The following HS6ST3 variants were observed in gnomAD, a reference collection of about 807,000 sequenced individuals.
The protein encoded by HS6ST3 is heparan sulfate 6-O-sulfotransferase 3, also known as heparan-sulfate 6-O-sulfotransferase 3.
Under a neutral mutation model 36.7 loss-of-function variants are expected in HS6ST3, and 12 were observed. That is an observed-to-expected ratio of 0.33 (90% CI 0.21 to 0.53). The LOEUF (loss-of-function observed/expected upper bound fraction) is 0.53, where lower values mean the gene tolerates loss of function less well. Among genes scored for constraint, HS6ST3 ranks in the 20% least tolerant of loss-of-function variants. The probability of loss-of-function intolerance (pLI) is 0.95; values close to 1 mark genes in which losing one functional copy is unlikely to be tolerated. For missense variants in HS6ST3, 584 were observed against 640.9 expected (o/e 0.91, Z 0.96); for synonymous variants, 240 against 257.5 (o/e 0.93, Z 0.65).
chr13:96,332,090 C>G (rs935061832), intron 1 of HS6ST3, among the ~76,000 whole-genome samples: 21 of 152,196 alleles, frequency 1.4e-4, no homozygotes, highest in Non-Finnish European at 2.9e-4. Flanking sequence ...CTGGCACTCC[C>G]TAGTGAGATG....
chr13:96,565,480 G>T (rs914336540), intron 1 of HS6ST3, among the ~76,000 whole-genome samples: 1 of 152,088 alleles, frequency 6.6e-6, no homozygotes, highest in African/African-American at 2.4e-5. Flanking sequence ...GCAGTGACTG[G>T]AAATGGTTTA....
intron 1 of HS6ST3, among the ~76,000 whole-genome samples, chr13:96,524,681 C>T (rs542481750): frequency 2.6e-5 from 4 of 152,322 alleles, no homozygotes; most frequent in Middle Eastern, 3.4e-3. Context: ...TGGGACCTGC[C>T]GAGCCAGGCC....
chr13:96,243,919 G>T (rs2054573001), intron 1 of HS6ST3, among the ~76,000 whole-genome samples: 1 of 150,658 alleles, frequency 6.6e-6, no homozygotes, highest in African/African-American at 2.4e-5. Context: ...GTGGAAAGGG[G>T]GGCTGCCTAG....
intron 1 of HS6ST3, among the ~76,000 whole-genome samples, chr13:96,423,369 T>C (rs567625176): frequency 6.6e-6 from 1 of 152,142 alleles, no homozygotes; most frequent in East Asian, 1.9e-4. Context: ...TCTTGTTTTT[T>C]AGTGGAGAAG....
In HS6ST3 at chr13:96,665,265, G is replaced by A. The variant is rs1404309078; in HGVS notation, c.708-167225G>A. ...TCATTTAGTCATTCATGCATTCATTGATGTATAAGATACATTTCAATTGAA... is the reference window on the plus strand; with the variant it reads ...TCATTTAGTCATTCATGCATTCATTAATGTATAAGATACATTTCAATTGAA... On this transcript the variant is annotated intron_variant, in intron 1 of 1. Coordinates refer to ENST00000376705, the MANE Select transcript of HS6ST3 (RefSeq NM_153456.4). Among the ~76,000 whole-genome samples, 3 of 152,150 alleles carry A rather than the reference G, an allele frequency of 2.0e-5. No homozygotes were observed. The East Asian group carries it at 5.8e-4, about 29-fold the overall frequency.
intron 1 of HS6ST3, among the ~76,000 whole-genome samples, chr13:96,447,394 G>T (rs916369979): frequency 6.6e-6 from 1 of 152,112 alleles, no homozygotes; most frequent in Non-Finnish European, 1.5e-5. Flanking sequence ...TGTTATAGGA[G>T]TTACTAAGAA....
Position 96,833,181 on chromosome 13 carries a change from C to T in HS6ST3, c.1399C>T (p.Gln467Ter). The change falls in exon 2 of 2, where the codon CAG (glutamine) becomes TAG (stop). Residue 467 changes from glutamine (Q) to a stop codon, truncating the protein, a stop_gained. Transcript: ENST00000376705. LOFTEE classifies it high-confidence loss of function. ...GACTGTCACCGAGGACTACAACAGC[C>T]AGGTGGTGAGATGGTGACCTCCTGC... ...EGTVTEDYNS[Q>*]VVRW 6.4e-7 allele frequency: 1 copy of T among 1,568,436 alleles called. No individual in the cohort carries two copies. Among genetic ancestry groups the T allele is most frequent in the Non-Finnish European group, 8.6e-7 (1 of 1,164,910 alleles).
chr13:96,723,083 C>T (rs940218248), intron 1 of HS6ST3, among the ~76,000 whole-genome samples: 9 of 151,702 alleles, frequency 5.9e-5, no homozygotes, highest in Non-Finnish European at 1.2e-4. Flanking sequence ...TCATTGTATA[C>T]CCAATGTCTC....
At chr13:96,710,086 ACTG>A (rs1487943755) in intron 1 of HS6ST3, among the ~76,000 whole-genome samples, 1 of 152,084 alleles carries the variant, frequency 6.6e-6, no homozygotes, top group East Asian at 1.9e-4. Context: ...TAGATGAAAA[ACTG>A]CTGCTGCACA....
At chr13:96,536,551 G>A (rs1179252043) in intron 1 of HS6ST3, among the ~76,000 whole-genome samples, 2 of 152,190 alleles carry the variant, frequency 1.3e-5, no homozygotes, top group Non-Finnish European at 2.9e-5. Flanking sequence ...GGGAGCGTTC[G>A]TTTCTTTGTA....
intron 1 of HS6ST3, among the ~76,000 whole-genome samples, chr13:96,814,647 T>G (rs575473383): frequency 6.6e-6 from 1 of 152,124 alleles, no homozygotes; most frequent in Non-Finnish European, 1.5e-5. Context: ...AAGATGGATA[T>G]TGGACATACA....
intron 1 of HS6ST3, among the ~76,000 whole-genome samples, chr13:96,237,946 C>G (rs1165008436): frequency 6.6e-6 from 1 of 152,144 alleles, no homozygotes; most frequent in Non-Finnish European, 1.5e-5. Flanking sequence ...TTTTTAACTC[C>G]TCCTACCCCT....
chr13:96,354,403 G>A (rs1384331481), intron 1 of HS6ST3, among the ~76,000 whole-genome samples: 1 of 152,032 alleles, frequency 6.6e-6, no homozygotes, highest in East Asian at 1.9e-4. Flanking sequence ...GGACTGGGGG[G>A]TCTTGAGTGG....
At chr13:96,106,561 G>GA (rs1180816717) in intron 1 of HS6ST3, among the ~76,000 whole-genome samples, 11 of 151,954 alleles carry the variant, frequency 7.2e-5, no homozygotes, top group Non-Finnish European at 1.2e-4. Context: ...TAACAAAAAT[G>GA]AAAAAACAGA....
intron 1 of HS6ST3, among the ~76,000 whole-genome samples, chr13:96,642,231 A>G (rs943338624): frequency 6.6e-6 from 1 of 151,900 alleles, no homozygotes; most frequent in Admixed American, 6.6e-5. Context: ...ATAATTTATT[A>G]TGAGAAATCA....
chr13:96,229,941 C>T (rs1566295156), intron 1 of HS6ST3, among the ~76,000 whole-genome samples: 3 of 152,214 alleles, frequency 2.0e-5, no homozygotes, highest in South Asian at 2.1e-4. Context: ...TCTCAAAAGA[C>T]AAGTAAGAAG....
rs118129711 is a variant in HS6ST3, at chr13:96,631,133, A to T, written c.708-201357A>T. Among the ~76,000 whole-genome samples, 621 of 152,238 alleles carry T rather than the reference A, an allele frequency of 4.1e-3. 3 individuals are homozygous for T. Among genetic ancestry groups the T allele is most frequent in the Non-Finnish European group, 7.6e-3 (519 of 68,014 alleles). ...TTCAGAACTAAACAGTAGTCAAATG[A>T]GCTGAAAAGGTGCTGGTGATATATC... On this transcript the variant is annotated intron_variant, in intron 1 of 1. Transcript: ENST00000376705.
At chr13:96,518,707 A>T in intron 1 of HS6ST3, among the ~76,000 whole-genome samples, 1 of 152,294 alleles carries the variant, frequency 6.6e-6, no homozygotes, top group Admixed American at 6.5e-5. Flanking sequence ...TAAACATTAG[A>T]ATGTCTGGAT....
chr13:96,425,415 G>T (rs1165475779), intron 1 of HS6ST3, among the ~76,000 whole-genome samples: 1 of 152,018 alleles, frequency 6.6e-6, no homozygotes, highest in Admixed American at 6.6e-5. Context: ...GCTTTTCAAA[G>T]ATAAAATGTT....
Sources: allele counts gnomAD v4.1 joint callset (sites outside exome capture counted in the v4.1 genomes callset), GRCh38; gene constraint gnomAD v4.1.1; transcripts MANE v1.5; gene names NCBI Gene and HGNC (gene_info 2026-07-23, HGNC 2026-07-21).